The following DCAF4L2 variants were observed in gnomAD, a reference collection of about 807,000 sequenced individuals.
The protein encoded by DCAF4L2 is DDB1 and CUL4 associated factor 4 like 2.
Under a neutral mutation model 15.5 loss-of-function variants are expected in DCAF4L2, and 13 were observed. The observed-to-expected ratio is 0.84, with a 90% CI of 0.54 to 1.33. The LOEUF (loss-of-function observed/expected upper bound fraction) is 1.33, where lower values mean the gene tolerates loss of function less well. Among genes scored for constraint, DCAF4L2 ranks in the 40% most tolerant of loss-of-function variants. DCAF4L2 has a pLI of 0.00. For synonymous variants in DCAF4L2, 251 were observed against 207.0 expected (o/e 1.21, Z -1.83); for missense variants, 519 against 509.6 (o/e 1.02, Z -0.18).
chr8:87,873,000 T>C lies in DCAF4L2; in HGVS notation c.972A>G (p.Glu324=). 2.5e-6 allele frequency: 4 copies of C among 1,613,702 alleles called. No homozygotes were observed. The highest frequency in any genetic ancestry group is 3.4e-6 in the Non-Finnish European group (4 of 1,179,586). The change falls in exon 1 of 1, where the codon GAA becomes GAG. Residue 324 remains glutamate, a synonymous_variant. Transcript: ENST00000319675. ...CCACGGCCGCCACGACTCCTTCTTC[T>C]TCGTTCACATGCACGGGTAGGTAGG... ...NSAYLPVHVN[E]EEGVVAAVGQ...
chr8:87,872,743 T>C lies in DCAF4L2; in HGVS notation c.*41A>G. ...CGGTAATACGATGCTCTTTACTTCT[T>C]TAAGTCAAATCCACGTTCCTCCGGG... On this transcript the variant is annotated 3_prime_UTR_variant, in exon 1 of 1. Transcript: ENST00000319675. 1 of 1,519,230 alleles carries C rather than the reference T, an allele frequency of 6.6e-7. No individual in the cohort carries two copies. The highest frequency in any genetic ancestry group is 8.8e-7 in the Non-Finnish European group (1 of 1,134,848). The allele number at this position is 1,519,230 out of a possible 1,614,324, so 94.1% of individuals were successfully genotyped here.
In DCAF4L2 at chr8:87,873,047, C is replaced by CG; in HGVS notation, c.924dup (p.Glu309ArgfsTer6). On this transcript the variant is annotated frameshift_variant, in exon 1 of 1. Coordinates refer to ENST00000319675, the MANE Select transcript of DCAF4L2 (RefSeq NM_152418.4). LOFTEE classifies it high-confidence loss of function. Reference sequence around the variant, plus strand: ...TAGGCGGAGTTATTCACATGACCTTCGTACTGTGTTACACATTTAGTGGCC... The same window carrying CG: ...TAGGCGGAGTTATTCACATGACCTTCGGTACTGTGTTACACATTTAGTGGCC... 1.2e-6 allele frequency: 2 copies of CG among 1,614,178 alleles called. No individual in the cohort carries two copies. The highest frequency in any genetic ancestry group is 1.7e-6 in the Non-Finnish European group (2 of 1,180,040).
Position 87,872,983 on chromosome 8 carries a change from G to A in DCAF4L2, c.989C>T (p.Ala330Val), listed in dbSNP as rs1245145166. ...VHVNEEEGVV[A>V]AVGQDCYTRI... is the part of the protein sequence containing the mutation. ...CGTGTAGCAGTCCTGGCCCACGGCC[G>A]CCACGACTCCTTCTTCTTCGTTCAC... The change falls in exon 1 of 1, where the codon GCG (alanine) becomes GTG (valine). Residue 330 changes from alanine to valine, a missense_variant. By Grantham distance (64) the Ala-to-Val change is moderately conservative. Transcript: ENST00000319675. 1.2e-6 allele frequency: 2 copies of A among 1,614,170 alleles called. No individual in the cohort carries two copies. Among genetic ancestry groups the A allele is most frequent in the Admixed American group, 1.7e-5 (1 of 60,012 alleles).
rs779047759 is a variant in DCAF4L2 at position 87,873,213 on chromosome 8, C to A, written c.759G>T (p.Leu253=). 8.7e-6 allele frequency: 14 copies of A among 1,614,010 alleles called. No individual in the cohort carries two copies. In the East Asian group the frequency reaches 2.7e-4, roughly 31 times the overall value. ...CRSGEIFGID[L]RCGNQGSGWK... Reference sequence around the variant, plus strand: ...ACCCGCTGCCTTGATTTCCACAGCGCAGATCAATGCCAAAGATCTCCCCAG... The same window carrying A: ...ACCCGCTGCCTTGATTTCCACAGCGAAGATCAATGCCAAAGATCTCCCCAG... Residue 253 remains leucine, a synonymous_variant, in exon 1 of 1, where the codon CTG becomes CTT. Transcript: ENST00000319675.
At position 87,873,518 on chromosome 8, in the gene DCAF4L2, T is replaced by C. The variant is rs1412939585; in HGVS notation, c.454A>G (p.Thr152Ala). Reference protein sequence around the residue: ...LLLCFVGLADTPSCAVLLPAS... With the variant: ...LLLCFVGLADAPSCAVLLPAS... The stretch of plus-strand genomic sequence containing the variant: ...GGGAGCAGCACGGCACAGCTTGGAG[T>C]ATCTGCAAGTCCCACGAAGCACAGC... The change falls in exon 1 of 1, where the codon ACT becomes GCT. Residue 152 changes from threonine (T) to alanine (A), a missense_variant. Physicochemically the swap from Thr to Ala is moderately conservative, Grantham distance 58. Transcript: ENST00000319675. 6 of 1,614,084 alleles carry C rather than the reference T, an allele frequency of 3.7e-6. No homozygotes were observed. The highest frequency in any genetic ancestry group is 1.7e-5 in the Admixed American group (1 of 60,016).
rs941645300 is a variant in DCAF4L2 at position 87,870,790 on chromosome 8, C to T, written c.*1994G>A. ...ATTTGCAAGTGAGGGTAAACAGATT[C>T]GCAAGTTACGTAGTCATTACATTTT... On this transcript the variant is annotated 3_prime_UTR_variant, in exon 1 of 1. Coordinates refer to ENST00000319675, the MANE Select transcript of DCAF4L2 (RefSeq NM_152418.4). 2 of 152,050 alleles carry T rather than the reference C, an allele frequency of 1.3e-5. No individual in the cohort carries two copies. Among genetic ancestry groups the T allele is most frequent in the South Asian group, 4.1e-4 (2 of 4,824 alleles). The allele number at this position is 152,050 out of a possible 1,614,324, so 9.4% of individuals were successfully genotyped here.
In DCAF4L2 at chr8:87,873,214, A is replaced by G; in HGVS notation, c.758T>C (p.Leu253Pro). Residue 253 changes from leucine (L) to proline (P), a missense_variant, in exon 1 of 1, where the codon CTG becomes CCG. Transcript: ENST00000319675. ...CRSGEIFGIDLRCGNQGSGWK... is the reference protein window; with the variant it reads ...CRSGEIFGIDPRCGNQGSGWK... ...CCCGCTGCCTTGATTTCCACAGCGCAGATCAATGCCAAAGATCTCCCCAGA... is the reference window on the plus strand; with the variant it reads ...CCCGCTGCCTTGATTTCCACAGCGCGGATCAATGCCAAAGATCTCCCCAGA... The G allele has an allele frequency of 6.2e-7, 1 of 1,614,158 alleles. No homozygotes were observed. Among genetic ancestry groups the G allele is most frequent in the Non-Finnish European group, 8.5e-7 (1 of 1,180,030 alleles).
Position 87,873,069 on chromosome 8 carries a change from G to T in DCAF4L2, c.903C>A (p.Ala301=), listed in dbSNP as rs1394420645. ...CTTCGTACTGTGTTACACATTTAGT[G>T]GCCCTCAAGTCCCACAGCTTGATAG... ...TGTIKLWDLR[A]TKCVTQYEGH... The change falls in exon 1 of 1, where the codon GCC becomes GCA. Residue 301 remains alanine (A), a synonymous_variant. Transcript: ENST00000319675. The T allele has an allele frequency of 6.2e-7, 1 of 1,614,166 alleles. No individual in the cohort carries two copies. The highest frequency in any genetic ancestry group is 1.1e-5 in the South Asian group (1 of 91,086).
chr8:87,872,515 A>G lies in DCAF4L2; in HGVS notation c.*269T>C, dbSNP rs774751093. ...TGTTTTTTTGTTAAAAAAAAAAAAA[A>G]AGGGGGGGATAACTATTCTAAGGTA... On this transcript the variant is annotated 3_prime_UTR_variant, in exon 1 of 1. Coordinates refer to ENST00000319675, the MANE Select transcript of DCAF4L2 (RefSeq NM_152418.4). 23 of 208,778 alleles carry G rather than the reference A, an allele frequency of 1.1e-4. No individual in the cohort carries two copies. Among genetic ancestry groups the G allele is most frequent in the East Asian group, 2.9e-4 (3 of 10,518 alleles). 12.9% of individuals were successfully genotyped at this position (208,778 alleles called of 1,614,324 possible). A position where few individuals can be genotyped will look rare whatever the true frequency, so the allele number is the denominator to read the frequency against.
Position 87,873,291 on chromosome 8 carries a change from G to T in DCAF4L2, c.681C>A (p.Val227=), listed in dbSNP as rs148132626. ...TCATGATTGCAAACTGCTGGGCCAA[G>T]ACATCACTGCTAGTCCCAAATGACT... ...HQQSFGTSSD[V]LAQQFAIMTP... The change falls in exon 1 of 1, where the codon GTC becomes GTA. Residue 227 remains valine, a synonymous_variant. Transcript: ENST00000319675. The T allele has an allele frequency of 6.2e-7, 1 of 1,614,062 alleles. No individual in the cohort carries two copies.
At position 87,873,799 on chromosome 8, in the gene DCAF4L2, T is replaced by C; in HGVS notation, c.173A>G (p.Lys58Arg). ...ELRVSCMQRK[K>R]VQIHSWDPSS... The stretch of plus-strand genomic sequence containing the variant: ...GGGATCCCAGCTATGAATCTGGACC[T>C]TTTTCCTCTGCATGCAGCTTACACG... Residue 58 changes from lysine to arginine, a missense_variant, in exon 1 of 1, where the codon AAG (lysine) becomes AGG (arginine). By Grantham distance (26) the Lys-to-Arg change is conservative. Coordinates refer to ENST00000319675, the MANE Select transcript of DCAF4L2 (RefSeq NM_152418.4). 5 of 1,614,124 alleles carry C rather than the reference T, an allele frequency of 3.1e-6. No individual in the cohort carries two copies. Among genetic ancestry groups the C allele is most frequent in the Non-Finnish European group, 3.4e-6 (4 of 1,180,030 alleles).
In DCAF4L2 at chr8:87,871,093, A is replaced by C. The variant is rs976395861; in HGVS notation, c.*1691T>G. The C allele has an allele frequency of 6.6e-6, 1 of 151,998 alleles. No individual in the cohort carries two copies. The highest frequency in any genetic ancestry group is 1.5e-5 in the Non-Finnish European group (1 of 68,014). The allele number at this position is 151,998 out of a possible 1,614,324, so 9.4% of individuals were successfully genotyped here. On this transcript the variant is annotated 3_prime_UTR_variant, in exon 1 of 1. Transcript: ENST00000319675. ...CCACTCTTTTGTATCTTCTCTATTGACCTATTCCTCTATCAATATGTAATA... is the reference window on the plus strand; with the variant it reads ...CCACTCTTTTGTATCTTCTCTATTGCCCTATTCCTCTATCAATATGTAATA...
chr8:87,873,014 C>G lies in DCAF4L2; in HGVS notation c.958G>C (p.Val320Leu), dbSNP rs2117889349. ...ACTCCTTCTTCTTCGTTCACATGCA[C>G]GGGTAGGTAGGCGGAGTTATTCACA... ...GHVNNSAYLP[V>L]HVNEEEGVVA... The change falls in exon 1 of 1, where the codon GTG (valine) becomes CTG (leucine). Residue 320 changes from valine (V) to leucine (L), a missense_variant. Physicochemically the swap from Val to Leu is conservative, Grantham distance 32. Transcript: ENST00000319675. 6.2e-7 allele frequency: 1 copy of G among 1,614,174 alleles called. No individual in the cohort carries two copies. Among genetic ancestry groups the G allele is most frequent in the Non-Finnish European group, 8.5e-7 (1 of 1,180,044 alleles).
At position 87,873,447 on chromosome 8, in the gene DCAF4L2, G is replaced by T. The variant is rs375921855; in HGVS notation, c.525C>A (p.Gly175=). The T allele has an allele frequency of 6.2e-7, 1 of 1,614,108 alleles. No individual in the cohort carries two copies. The highest frequency in any genetic ancestry group is 1.3e-5 in the African/African-American group (1 of 74,942). Residue 175 remains glycine, a synonymous_variant, in exon 1 of 1, where the codon GGC becomes GGA. Transcript: ENST00000319675. ...IGSFPGMRRP[G]MLCSFQIPDA... ...CAGGGATCTGGAAACTGCAAAGCAT[G>T]CCAGGCCGACGCATTCCTGGGAAGC...
chr8:87,872,684 A>G lies in DCAF4L2; in HGVS notation c.*100T>C. 2 of 1,260,124 alleles carry G rather than the reference A, an allele frequency of 1.6e-6. No individual in the cohort carries two copies. Among genetic ancestry groups the G allele is most frequent in the South Asian group, 3.2e-5 (2 of 62,684 alleles). The allele number at this position is 1,260,124 out of a possible 1,614,324, so 78.1% of individuals were successfully genotyped here. ...GCAGCCGGATGGATGGGATCTACAA[A>G]CACCGAACATCTCTTAAAATGCGCT... On this transcript the variant is annotated 3_prime_UTR_variant, in exon 1 of 1. Coordinates refer to ENST00000319675, the MANE Select transcript of DCAF4L2 (RefSeq NM_152418.4).
rs1037016324 is a variant in DCAF4L2, at chr8:87,873,510, G to A, written c.462C>T (p.Ser154=). The change falls in exon 1 of 1, where the codon AGC becomes AGT. Residue 154 remains serine (S), a synonymous_variant. Coordinates refer to ENST00000319675, the MANE Select transcript of DCAF4L2 (RefSeq NM_152418.4). ...GCGACGCTGGGAGCAGCACGGCACA[G>A]CTTGGAGTATCTGCAAGTCCCACGA... ...LCFVGLADTP[S]CAVLLPASLF... 1 of 1,614,228 alleles carries A rather than the reference G, an allele frequency of 6.2e-7. No homozygotes were observed. The highest frequency in any genetic ancestry group is 8.5e-7 in the Non-Finnish European group (1 of 1,180,048).
rs1809384511 is a variant in DCAF4L2 at position 87,870,785 on chromosome 8, A to G, written c.*1999T>C. ...ATTTTATTTGCAAGTGAGGGTAAAC[A>G]GATTCGCAAGTTACGTAGTCATTAC... On this transcript the variant is annotated 3_prime_UTR_variant, in exon 1 of 1. Coordinates refer to ENST00000319675, the MANE Select transcript of DCAF4L2 (RefSeq NM_152418.4). 1 of 152,194 alleles carries G rather than the reference A, an allele frequency of 6.6e-6. No homozygotes were observed. Among genetic ancestry groups the G allele is most frequent in the African/African-American group, 2.4e-5 (1 of 41,448 alleles). The allele number at this position is 152,194 out of a possible 1,614,324, so 9.4% of individuals were successfully genotyped here.
At position 87,873,979 on chromosome 8, in the gene DCAF4L2, G is replaced by C. The variant is rs961080788; in HGVS notation, c.-8C>G. The stretch of plus-strand genomic sequence containing the variant: ...CGGTCTTTTGCTCTCCATTTCGTTC[G>C]GCGGATGTTCTCCCTCCTGAGGGGA... On this transcript the variant is annotated 5_prime_UTR_variant, in exon 1 of 1. Coordinates refer to ENST00000319675, the MANE Select transcript of DCAF4L2 (RefSeq NM_152418.4). 2 of 1,611,074 alleles carry C rather than the reference G, an allele frequency of 1.2e-6. No homozygotes were observed. The highest frequency in any genetic ancestry group is 1.7e-5 in the Admixed American group (1 of 59,830).
chr8:87,873,862 A>G lies in DCAF4L2; in HGVS notation c.110T>C (p.Leu37Pro), dbSNP rs1224040326. The G allele has an allele frequency of 1.2e-6, 2 of 1,613,986 alleles. No individual in the cohort carries two copies. The highest frequency in any genetic ancestry group is 1.3e-5 in the African/African-American group (1 of 74,906). The stretch of plus-strand genomic sequence containing the variant: ...TATACGGCAATAGTTGGCGAATCTG[A>G]GGAAACCTAGCTGGTTCTTTCGTAG... ...SMLRKNQLGF[L>P]RFANYCRIAR... Residue 37 changes from leucine (L) to proline (P), a missense_variant, in exon 1 of 1, where the codon CTC (leucine) becomes CCC (proline). Transcript: ENST00000319675.
Sources: allele counts gnomAD v4.1 joint callset, GRCh38; gene constraint gnomAD v4.1.1; transcripts MANE v1.5; gene names NCBI Gene and HGNC (gene_info 2026-07-23, HGNC 2026-07-21).